Variants in RHOBTB1 observed in about 807,000 individuals in gnomAD.
RHOBTB1 encodes the protein Rho related BTB domain containing 1.
RHOBTB1 carries 40 observed loss-of-function variants against 71.6 expected under a neutral mutation model. The observed-to-expected ratio is 0.56, with a 90% CI of 0.43 to 0.73. RHOBTB1 has a LOEUF of 0.73. Ranked by LOEUF, RHOBTB1 falls within the 30% of genes least tolerant of loss-of-function variation. The pLI is 0.00. For synonymous variants in RHOBTB1, 319 were observed against 334.9 expected, an observed-to-expected ratio of 0.95 and a Z score of 0.52; for missense variants, 797 against 894.0, an observed-to-expected ratio of 0.89 and a Z score of 1.38.
At chr10:60,911,214 G>T in intron 3 of RHOBTB1, 137 bp downstream of exon 3, 2 of 935,020 alleles carry the variant, frequency 2.1e-6, no homozygotes, top group Non-Finnish European at 3.1e-6. Flanking sequence ...TTTTGCTTTT[G>T]TTTTCTCTCG....
chr10:60,875,324 C>G (rs552413040), intron 8 of RHOBTB1, among the ~76,000 whole-genome samples: 3 of 152,286 alleles, frequency 2.0e-5, no homozygotes, highest in African/African-American at 7.2e-5. Context: ...GATGATAACT[C>G]CTGGCCACAC....
chr10:60,976,489 C>T (rs2086320187), intron 2 of RHOBTB1, among the ~76,000 whole-genome samples: 2 of 151,896 alleles, frequency 1.3e-5, no homozygotes, highest in African/African-American at 4.8e-5. Context: ...TGAAGTACAG[C>T]CCCGTCTTGT....
chr10:60,952,483 G>A (rs2085446919), intron 2 of RHOBTB1, among the ~76,000 whole-genome samples: 1 of 152,182 alleles, frequency 6.6e-6, no homozygotes, highest in African/African-American at 2.4e-5. Context: ...CTTAATGAAG[G>A]AGGCACCACT....
chr10:60,933,995 T>C (rs906799832), intron 2 of RHOBTB1, among the ~76,000 whole-genome samples: 4 of 152,178 alleles, frequency 2.6e-5, no homozygotes, highest in African/African-American at 9.7e-5. Context: ...TTTTATAGGA[T>C]AGGATTATAA....
At chr10:60,939,101 G>T (rs1241431418) in intron 2 of RHOBTB1, among the ~76,000 whole-genome samples, 2 of 152,126 alleles carry the variant, frequency 1.3e-5, no homozygotes, top group African/African-American at 4.8e-5. Context: ...ACATGTAATT[G>T]CTTTCTTCTA....
At position 60,918,751 on chromosome 10, in the gene RHOBTB1, CT is replaced by C. The variant is rs113890954; in HGVS notation, c.-10-7200del. Among the ~76,000 whole-genome samples, 155 of 144,446 alleles carry C rather than the reference CT, an allele frequency of 1.1e-3. No individual in the cohort carries two copies. In the Middle Eastern group the frequency reaches 0.011, roughly 10 times the overall value. The allele number at this position is 144,446 out of a possible 152,430, so 94.8% of individuals were successfully genotyped here. A position where few individuals can be genotyped will look rare whatever the true frequency, so the allele number is the denominator to read the frequency against. ...TTTGCATTTCTTTTCTTTTCTTTTT[CT>C]TTTTTTTTTTTGAGATGGAGTTTCA... On this transcript the variant is annotated intron_variant, in intron 2 of 10. Coordinates refer to ENST00000337910, the MANE Select transcript of RHOBTB1 (RefSeq NM_014836.5).
At chr10:60,880,876 T>C (rs924166775) in intron 7 of RHOBTB1, among the ~76,000 whole-genome samples, 4 of 152,276 alleles carry the variant, frequency 2.6e-5, no homozygotes, top group Admixed American at 6.5e-5. Context: ...TGGATTTATT[T>C]ACAGGTATCC....
upstream of RHOBTB1, chr10:61,001,460 G>C (rs1186151587): frequency 6.6e-6 from 1 of 151,062 alleles, no homozygotes; most frequent in Non-Finnish European, 1.5e-5. Context: ...AGGCTGGCGC[G>C]GGCTTTGTAA....
intron 2 of RHOBTB1, among the ~76,000 whole-genome samples, chr10:60,925,779 A>G (rs1364961837): frequency 6.6e-6 from 1 of 152,244 alleles, no homozygotes; most frequent in East Asian, 1.9e-4. Context: ...CATTATGTAT[A>G]ACTATATGTC....
intron 2 of RHOBTB1, among the ~76,000 whole-genome samples, chr10:60,939,657 A>T (rs927111389): frequency 2.0e-5 from 3 of 152,002 alleles, no homozygotes; most frequent in African/African-American, 7.3e-5. Flanking sequence ...CATTCAAATC[A>T]CCTATGCTCT....
At chr10:60,895,596 GTTTCTCCTTGTT>G (rs2082126049) in intron 4 of RHOBTB1, among the ~76,000 whole-genome samples, 1 of 152,162 alleles carries the variant, frequency 6.6e-6, no homozygotes, top group African/African-American at 2.4e-5. Flanking sequence ...TAGAGACGGG[GTTTCTCCTTGTT>G]GGTCAGGCTG....
At chr10:60,937,116 C>T (rs570713903) in intron 2 of RHOBTB1, among the ~76,000 whole-genome samples, 29 of 152,230 alleles carry the variant, frequency 1.9e-4, no homozygotes, top group African/African-American at 5.1e-4. Context: ...CTTTCTTCCG[C>T]GTATGTGATG....
In RHOBTB1 at chr10:60,888,459, G is replaced by T. The variant is rs1228015121; in HGVS notation, c.1209C>A (p.Asp403Glu). 6.2e-7 allele frequency: 1 copy of T among 1,614,166 alleles called. No individual in the cohort carries two copies. The highest frequency in any genetic ancestry group is 8.5e-7 in the Non-Finnish European group (1 of 1,180,022). ...RMGPMTVVRM[D>E]ASVQPGPFRT... ...GAAAAGGGCCTGGCTGGACTGAAGC[G>T]TCCATCCTGACCACAGTCATGGGCC... Residue 403 changes from aspartate (D) to glutamate (E), a missense_variant, in exon 6 of 11, where the codon GAC (aspartate) becomes GAA (glutamate). Coordinates refer to ENST00000337910, the MANE Select transcript of RHOBTB1 (RefSeq NM_014836.5).
intron 1 of RHOBTB1, among the ~76,000 whole-genome samples, chr10:60,990,348 G>A (rs1250758818): frequency 5.3e-5 from 8 of 152,008 alleles, no homozygotes; most frequent in Admixed American, 5.2e-4. Flanking sequence ...GACACCAATA[G>A]GCCAATGATT....
chr10:60,962,759 T>A (rs1324976496), intron 2 of RHOBTB1, among the ~76,000 whole-genome samples: 1 of 152,158 alleles, frequency 6.6e-6, no homozygotes, highest in Non-Finnish European at 1.5e-5. Flanking sequence ...AATAGTTTTT[T>A]AAAATGTTCT....
intron 6 of RHOBTB1, among the ~76,000 whole-genome samples, chr10:60,886,596 C>T (rs112501745): frequency 4.6e-4 from 70 of 152,046 alleles, no homozygotes; most frequent in African/African-American, 1.2e-3. Context: ...GTTTGTTTTA[C>T]GTATATTTTT....
chr10:61,001,800 G>T (rs1473343838), upstream of RHOBTB1, among the ~76,000 whole-genome samples: 1 of 152,202 alleles, frequency 6.6e-6, no homozygotes, highest in Admixed American at 6.5e-5. Flanking sequence ...CCCAGTGCCT[G>T]CGGCCTCGCC....
At chr10:60,999,755 C>T (rs149030200) in intron 1 of RHOBTB1, among the ~76,000 whole-genome samples, 381 of 152,342 alleles carry the variant, frequency 2.5e-3, no homozygotes, top group African/African-American at 8.8e-3. Context: ...CATGCCCTCC[C>T]TGTTAGGGAA....
intron 2 of RHOBTB1, among the ~76,000 whole-genome samples, chr10:60,962,919 C>T (rs1250007912): frequency 7.2e-5 from 11 of 152,098 alleles, no homozygotes; most frequent in African/African-American, 2.4e-4. Context: ...TCAATGTATG[C>T]CATTCCTAAT....
Sources: allele counts gnomAD v4.1 joint callset (sites outside exome capture counted in the v4.1 genomes callset), GRCh38; gene constraint gnomAD v4.1.1; transcripts MANE v1.5; gene names NCBI Gene and HGNC (gene_info 2026-07-23, HGNC 2026-07-21).